HNRNPLL: variants seen among roughly 807,000 people sequenced by gnomAD.
HNRNPLL encodes the protein heterogeneous nuclear ribonucleoprotein L like, also known as heterogeneous nuclear ribonucleoprotein L-like.
Under a neutral mutation model 67.1 loss-of-function variants are expected in HNRNPLL, and 25 were observed. The ratio of observed to expected loss-of-function variants is 0.37; its 90% confidence interval spans 0.27 to 0.52. The LOEUF (loss-of-function observed/expected upper bound fraction) is 0.52. Ranked by LOEUF, HNRNPLL falls within the 20% of genes least tolerant of loss-of-function variation. HNRNPLL has a pLI of 0.90. For missense variants in HNRNPLL, 542 were observed against 673.9 expected, an observed-to-expected ratio of 0.80 and a Z score of 2.17; for synonymous variants, 267 against 241.7, an observed-to-expected ratio of 1.10 and a Z score of -0.97.
Position 38,602,423 on chromosome 2 carries a change from GC to G in HNRNPLL, c.189+14del, listed in dbSNP as rs1667481437. ...GCAGCCAGGCACAGCGGACAGGGGGGCCGCGCTTTGTTACCGGCTGAGAGAA... is the reference window on the plus strand; with the variant it reads ...GCAGCCAGGCACAGCGGACAGGGGGGCGCGCTTTGTTACCGGCTGAGAGAA... On this transcript the variant is annotated intron_variant, in intron 1 of 12. Transcript: ENST00000449105. 1.3e-6 allele frequency: 2 copies of G among 1,542,524 alleles called. No individual in the cohort carries two copies. Among genetic ancestry groups the G allele is most frequent in the African/African-American group, 1.4e-5 (1 of 72,994 alleles).
chr2:38,565,010 A>C (rs1401753212), intron 12 of HNRNPLL, among the ~76,000 whole-genome samples: 3 of 131,526 alleles, frequency 2.3e-5, no homozygotes, highest in Admixed American at 2.2e-4. Context: ...AAAAAAAAAC[A>C]AACCAACTGG....
At chr2:38,568,026 A>G in intron 12 of HNRNPLL, 173 bp downstream of exon 12, 1 of 516,266 alleles carries the variant, frequency 1.9e-6, no homozygotes, top group East Asian at 3.2e-5. Flanking sequence ...ATTTTATGGC[A>G]ATTTGTTATA....
At chr2:38,600,024 A>T (rs1667360494) in intron 1 of HNRNPLL, 2 of 407,282 alleles carry the variant, frequency 4.9e-6, no homozygotes, top group African/African-American at 2.1e-5. Context: ...AGCACAAGAC[A>T]GTAAACTTCT....
At position 38,577,489 on chromosome 2, in the gene HNRNPLL, G is replaced by T; in HGVS notation, c.846C>A (p.His282Gln). ...GRQRQAILGE[H>Q]PSSFRHDGYG... ...AGCCATCATGTCTAAACGAAGAAGG[G>T]TGTTCTCCCAAAATGGCTTGTCTCT... is the stretch of plus-strand genomic sequence containing the variant. Residue 282 changes from histidine (H) to glutamine (Q), a missense_variant, in exon 7 of 13, where the codon CAC (histidine) becomes CAA (glutamine). Around this residue, in one of 2 missense-constraint regions of HNRNPLL, gnomAD observed 415 missense variants for 575.2 expected, o/e 0.72. Coordinates refer to ENST00000449105, the MANE Select transcript of HNRNPLL (RefSeq NM_138394.4). 1 of 1,609,316 alleles carries T rather than the reference G, an allele frequency of 6.2e-7. No individual in the cohort carries two copies.
chr2:38,580,520 C>T (rs1045614277), intron 6 of HNRNPLL, among the ~76,000 whole-genome samples: 2 of 152,172 alleles, frequency 1.3e-5, no homozygotes, highest in Admixed American at 1.3e-4. Context: ...AGTACCCACT[C>T]CCCAAGGTAT....
chr2:38,580,417 G>C (rs1466582581), intron 6 of HNRNPLL, among the ~76,000 whole-genome samples: 1 of 152,212 alleles, frequency 6.6e-6, no homozygotes, highest in East Asian at 1.9e-4. Context: ...AGAGTTAAAG[G>C]AGCCAATCAT....
At chr2:38,589,349 C>A (rs1666870551) in intron 2 of HNRNPLL, among the ~76,000 whole-genome samples, 1 of 152,140 alleles carries the variant, frequency 6.6e-6, no homozygotes, top group Non-Finnish European at 1.5e-5. Flanking sequence ...TAATCCCACA[C>A]ATTCCATTAA....
intron 2 of HNRNPLL, among the ~76,000 whole-genome samples, chr2:38,589,005 A>G (rs1408221282): frequency 6.6e-6 from 1 of 152,228 alleles, no homozygotes; most frequent in Non-Finnish European, 1.5e-5. Context: ...GGAGAAGACA[A>G]CAGATTTAGT....
rs572224707 is a variant in HNRNPLL, at chr2:38,593,998, C to A, written c.190-2350G>T. 3.3e-5 allele frequency among the ~76,000 whole-genome samples: 5 copies of A among 152,132 alleles called. No homozygotes were observed. The South Asian group carries it at 1.0e-3, about 32-fold the overall frequency. ...GACCACCCTGGCTAACACGGTGAAA[C>A]CCCGTCTCTACTAAAAATACAAAAA... On this transcript the variant is annotated intron_variant, in intron 1 of 12. Transcript: ENST00000449105.
chr2:38,576,295 T>C (rs1209332608), intron 7 of HNRNPLL, among the ~76,000 whole-genome samples: 2 of 151,824 alleles, frequency 1.3e-5, no homozygotes, highest in Non-Finnish European at 3.0e-5. Context: ...TAATGGCAAA[T>C]TTTTTGTAAC....
chr2:38,576,724 A>G (rs1241656641), intron 7 of HNRNPLL, among the ~76,000 whole-genome samples: 1 of 151,880 alleles, frequency 6.6e-6, no homozygotes, highest in African/African-American at 2.4e-5. Flanking sequence ...ACAATATAGC[A>G]ATTTCTATTT....
At chr2:38,576,579 G>T (rs1156845155) in intron 7 of HNRNPLL, among the ~76,000 whole-genome samples, 1 of 151,152 alleles carries the variant, frequency 6.6e-6, no homozygotes, top group African/African-American at 2.4e-5. Flanking sequence ...CACTACTACA[G>T]TTCAAAAGAA....
chr2:38,564,883 G>C (rs2148330991), intron 12 of HNRNPLL, among the ~76,000 whole-genome samples: 1 of 151,496 alleles, frequency 6.6e-6, no homozygotes, highest in Non-Finnish European at 1.5e-5. Flanking sequence ...TACAGCTTGG[G>C]AAGTAGGTCA....
In HNRNPLL at chr2:38,562,586, TTAGA is replaced by T. The variant is rs1453115326; in HGVS notation, c.*1592_*1595del. The T allele has an allele frequency of 2.0e-5, 3 of 152,154 alleles. No individual in the cohort carries two copies. Among genetic ancestry groups the T allele is most frequent in the Non-Finnish European group, 2.9e-5 (2 of 67,984 alleles). The allele number at this position is 152,154 out of a possible 1,614,324, so 9.4% of individuals were successfully genotyped here. The stretch of plus-strand genomic sequence containing the variant: ...GGGGAAAAAAAGCTTTATTGTAAAG[TTAGA>T]TAAACTTAGGTATTAAATTGGCAAT... On this transcript the variant is annotated 3_prime_UTR_variant, in exon 13 of 13. Coordinates refer to ENST00000449105, the MANE Select transcript of HNRNPLL (RefSeq NM_138394.4).
At chr2:38,577,416 C>G (rs370455862) in intron 7 of HNRNPLL, 45 bp downstream of exon 7, 65 of 1,172,936 alleles carry the variant, frequency 5.5e-5, no homozygotes, top group Non-Finnish European at 7.9e-5. Flanking sequence ...TGCAGCAAGT[C>G]AAACAGTTCA....
rs201793133 is a variant in HNRNPLL, at chr2:38,577,521, C to G, written c.814G>C (p.Gly272Arg). 2.9e-4 allele frequency: 462 copies of G among 1,606,946 alleles called. No individual in the cohort carries two copies. Among genetic ancestry groups the G allele is most frequent in the Non-Finnish European group, 3.6e-4 (426 of 1,173,944 alleles). ...CCCAAAATGGCTTGTCTCTGGCGAC[C>G]CTTTCCTCTATCTGACACAAAAGTA... The part of the protein sequence containing the change: ...PYLGRRDRGK[G>R]RQRQAILGEH... The change falls in exon 7 of 13, where the codon GGT becomes CGT. Residue 272 changes from glycine to arginine, a missense_variant. Around this residue, in one of 2 missense-constraint regions of HNRNPLL, gnomAD observed 415 missense variants for 575.2 expected, o/e 0.72. Transcript: ENST00000449105.
Position 38,581,673 on chromosome 2 carries a change from C to T in HNRNPLL, c.802+240G>A, listed in dbSNP as rs1471254634. On this transcript the variant is annotated intron_variant, in intron 6 of 12. Coordinates refer to ENST00000449105, the MANE Select transcript of HNRNPLL (RefSeq NM_138394.4). ...TGGAGAAATGCAAGTCCTTGAACTG[C>T]GGGCGTGCCTGAATGTGTGGGCTCC... 2.3e-5 allele frequency: 12 copies of T among 528,748 alleles called. No individual in the cohort carries two copies. In the South Asian group the frequency reaches 2.5e-4, roughly 11 times the overall value. 32.8% of individuals were successfully genotyped at this position (528,748 alleles called of 1,614,324 possible).
intron 1 of HNRNPLL, among the ~76,000 whole-genome samples, chr2:38,592,233 A>C (rs1666989185): frequency 6.6e-6 from 1 of 152,260 alleles, no homozygotes. Context: ...AAAATTTAGC[A>C]GATACATAGG....
intron 8 of HNRNPLL, 118 bp downstream of exon 8, chr2:38,573,092 G>C: frequency 1.5e-6 from 1 of 682,206 alleles, no homozygotes; most frequent in East Asian, 2.8e-5. Flanking sequence ...AGCTTATGTG[G>C]GTCATTACTC....
Sources: gnomAD v4.1 joint callset for allele counts (sites outside exome capture counted in the v4.1 genomes callset) on GRCh38, gnomAD v4.1.1 for gene constraint, gnomAD v4.1.1 regional missense constraint, MANE v1.5 for transcripts, NCBI Gene and HGNC (gene_info 2026-07-23, HGNC 2026-07-21) for gene names.